DIAPH2: variants seen among roughly 807,000 people sequenced by gnomAD.
DIAPH2 encodes diaphanous related formin 2.
A neutral mutation model predicts 92.7 loss-of-function variants in DIAPH2; 35 were observed. The ratio of observed to expected loss-of-function variants is 0.38; its 90% CI spans 0.29 to 0.50. The LOEUF is 0.50. Ranked by LOEUF, DIAPH2 falls within the 20% of genes least tolerant of loss-of-function variation. The pLI, the probability that DIAPH2 is intolerant of heterozygous loss-of-function variation, is 0.94. For synonymous variants in DIAPH2, 301 were observed against 280.4 expected (o/e 1.07, Z -0.73); for missense variants, 701 against 819.5 (o/e 0.86, Z 1.77).
At chrX:96,770,666 A>G (rs753658536) in intron 4 of DIAPH2, among the ~76,000 whole-genome samples, 2 of 111,732 alleles carry the variant, frequency 1.8e-5, no homozygotes, top group South Asian at 7.4e-4. Context: ...TATGGTGGTG[A>G]TAATTTTGTT....
chrX:97,381,866 T>C (rs1237098771), intron 24 of DIAPH2, among the ~76,000 whole-genome samples: 1 of 112,303 alleles, frequency 8.9e-6, no homozygotes, highest in Non-Finnish European at 1.9e-5. Flanking sequence ...GTAGCTGTTA[T>C]TATCAGAACA....
chrX:97,175,362 A>G (rs1286884100), intron 22 of DIAPH2, among the ~76,000 whole-genome samples: 1 of 111,792 alleles, frequency 8.9e-6, no homozygotes, highest in African/African-American at 3.3e-5. Context: ...CCATAGTTCT[A>G]TACTGCCTTA....
At chrX:96,850,659 G>A (rs2065001077) in intron 4 of DIAPH2, among the ~76,000 whole-genome samples, 1 of 111,472 alleles carries the variant, frequency 9.0e-6, no homozygotes, top group Admixed American at 9.5e-5. Context: ...ACATAGGAAG[G>A]GAAAAACTAG....
chrX:97,474,075 G>T (rs1020408752), intron 26 of DIAPH2, among the ~76,000 whole-genome samples: 2 of 112,788 alleles, frequency 1.8e-5, no homozygotes, highest in Non-Finnish European at 3.7e-5. Context: ...ATTTATGCCT[G>T]CTTTTGGGCT....
At chrX:97,389,596 C>T (rs751344698) in intron 25 of DIAPH2, among the ~76,000 whole-genome samples, 57 of 110,900 alleles carry the variant, frequency 5.1e-4, no homozygotes, top group Non-Finnish European at 9.8e-4. Context: ...AAAAATGTGT[C>T]TATAACAGAC....
intron 1 of DIAPH2, among the ~76,000 whole-genome samples, chrX:96,716,798 G>A (rs1169888019): frequency 9.0e-6 from 1 of 111,328 alleles, no homozygotes; most frequent in African/African-American, 3.3e-5. Context: ...GCAACTTTTG[G>A]TTTTATTTTT....
chrX:96,900,940 T>C (rs1016716906), intron 5 of DIAPH2, among the ~76,000 whole-genome samples: 4 of 111,720 alleles, frequency 3.6e-5, no homozygotes, highest in African/African-American at 9.8e-5. Flanking sequence ...TGTTACGTCC[T>C]TTCCTAGTTT....
At chrX:97,411,732 C>T (rs758474691) in intron 25 of DIAPH2, among the ~76,000 whole-genome samples, 4 of 110,907 alleles carry the variant, frequency 3.6e-5, no homozygotes, top group African/African-American at 1.3e-4. Context: ...TGGAAAGCAA[C>T]GAAAAGCAGG....
intron 26 of DIAPH2, among the ~76,000 whole-genome samples, chrX:97,510,982 T>C (rs1474746465): frequency 9.1e-6 from 1 of 109,675 alleles, no homozygotes; most frequent in Admixed American, 9.7e-5. Flanking sequence ...AGGATTGTCT[T>C]GGCAATGTGG....
At chrX:97,500,765 T>TAG (rs1569412678) in intron 26 of DIAPH2, among the ~76,000 whole-genome samples, 1 of 10,056 alleles carries the variant, frequency 9.9e-5, no homozygotes, top group Non-Finnish European at 1.8e-4. Flanking sequence ...TTCAAGGAGA[T>TAG]ATATATATAT....
rs371318474 is a variant in DIAPH2 at position 96,961,968 on chromosome X, A to G, written c.1936-3125A>G. ...TGATCTATCCTTGAGAATGTTTCTT[A>G]TGCTGATGGGAAGAGTGTTTATTCT... On this transcript the variant is annotated intron_variant, in intron 16 of 26. Coordinates refer to ENST00000324765, the MANE Select transcript of DIAPH2 (RefSeq NM_006729.5). Among the ~76,000 whole-genome samples, 37 of 109,325 alleles carry G rather than the reference A, an allele frequency of 3.4e-4. No individual in the cohort carries two copies. In the East Asian group the frequency reaches 0.01, roughly 30 times the overall value. The allele number at this position is 109,325 out of a possible 115,157, so 94.9% of individuals were successfully genotyped here.
chrX:97,413,708 G>C (rs1403456267), intron 25 of DIAPH2, among the ~76,000 whole-genome samples: 2 of 111,892 alleles, frequency 1.8e-5, no homozygotes, highest in East Asian at 5.6e-4. Context: ...AAAGTTTCAG[G>C]ATAGAAAATC....
intron 25 of DIAPH2, among the ~76,000 whole-genome samples, chrX:97,418,068 A>G (rs1006331055): frequency 1.8e-5 from 2 of 111,598 alleles, no homozygotes; most frequent in Admixed American, 1.9e-4. Context: ...CATGCTACTC[A>G]GAAAGGCATG....
intron 25 of DIAPH2, among the ~76,000 whole-genome samples, chrX:97,413,534 G>C (rs747781376): frequency 2.7e-5 from 3 of 111,157 alleles, no homozygotes; most frequent in Non-Finnish European, 5.7e-5. Flanking sequence ...ATTCAACATA[G>C]TGTTGGAAGT....
intron 5 of DIAPH2, among the ~76,000 whole-genome samples, chrX:96,898,498 G>A (rs189725491): frequency 0.042 from 3,408 of 81,830 alleles, 203 homozygotes; most frequent in Non-Finnish European, 0.067. Flanking sequence ...ATTTATTCAT[G>A]TGTCTTTTGG....
At chrX:97,307,541 G>C (rs1046276346) in intron 23 of DIAPH2, among the ~76,000 whole-genome samples, 2 of 111,410 alleles carry the variant, frequency 1.8e-5, no homozygotes, top group African/African-American at 6.5e-5. Context: ...AGGTTTTATC[G>C]ATTTCAGATT....
chrX:97,328,350 G>A (rs973725315), intron 23 of DIAPH2, among the ~76,000 whole-genome samples: 3 of 111,231 alleles, frequency 2.7e-5, no homozygotes, highest in Non-Finnish European at 5.7e-5. Flanking sequence ...TTGGAGAATC[G>A]CTTGATCCCG....
chrX:97,102,336 A>G (rs1211741496), intron 20 of DIAPH2, among the ~76,000 whole-genome samples: 1 of 111,233 alleles, frequency 9.0e-6, no homozygotes, highest in Non-Finnish European at 1.9e-5. Context: ...CTTTTAACTT[A>G]CCACGAACAT....
intron 22 of DIAPH2, among the ~76,000 whole-genome samples, chrX:97,160,626 T>C (rs2067362338): frequency 8.9e-6 from 1 of 111,917 alleles, no homozygotes; most frequent in African/African-American, 3.2e-5. Flanking sequence ...CGAAATCTGG[T>C]TAATGATTTA....
Sources: allele counts gnomAD v4.1 joint callset (sites outside exome capture counted in the v4.1 genomes callset), GRCh38; gene constraint gnomAD v4.1.1; transcripts MANE v1.5; gene names NCBI Gene and HGNC (gene_info 2026-07-23, HGNC 2026-07-21).